PTPRT: variants seen among roughly 807,000 people sequenced by gnomAD.
PTPRT encodes protein tyrosine phosphatase receptor type T, also known as receptor-type tyrosine-protein phosphatase T.
In PTPRT, 56 loss-of-function variants were observed where a neutral mutation model predicts 176.8. The observed-to-expected ratio is 0.32, with a 90% confidence interval of 0.26 to 0.40. The LOEUF (loss-of-function observed/expected upper bound fraction) is 0.40. Ranked by LOEUF, PTPRT falls within the 10% of genes least tolerant of loss-of-function variation. The probability of loss-of-function intolerance (pLI) is 1.00; values close to 1 mark genes in which losing one functional copy is unlikely to be tolerated. For missense variants in PTPRT, 1,540 were observed against 1,908.2 expected, an observed-to-expected ratio of 0.81 and a Z score of 3.60; for synonymous variants, 783 against 739.0, an observed-to-expected ratio of 1.06 and a Z score of -0.96.
chr20:42,974,408 A>G (rs1982824849), intron 1 of PTPRT, among the ~76,000 whole-genome samples: 1 of 151,788 alleles, frequency 6.6e-6, no homozygotes, highest in Non-Finnish European at 1.5e-5. Context: ...CTTTGTCATT[A>G]TTTTTCCCAC....
intron 2 of PTPRT, among the ~76,000 whole-genome samples, chr20:42,863,200 C>T (rs2078691166): frequency 6.6e-6 from 1 of 152,150 alleles, no homozygotes; most frequent in Admixed American, 6.5e-5. Flanking sequence ...TCTAGCAAAG[C>T]GTGAGGTCTT....
chr20:42,442,046 G>A (rs553849840), intron 9 of PTPRT, among the ~76,000 whole-genome samples: 5 of 152,170 alleles, frequency 3.3e-5, no homozygotes, highest in African/African-American at 1.2e-4. Context: ...GCCAGTCTGG[G>A]GTCAGTGAGC....
At chr20:42,676,100 G>C (rs1364644149) in intron 7 of PTPRT, among the ~76,000 whole-genome samples, 2 of 152,056 alleles carry the variant, frequency 1.3e-5, no homozygotes, top group Admixed American at 1.3e-4. Flanking sequence ...GTATCGTGTT[G>C]GCACTCAGTA....
chr20:43,066,665 T>A (rs2011114811), intron 1 of PTPRT, among the ~76,000 whole-genome samples: 1 of 152,184 alleles, frequency 6.6e-6, no homozygotes, highest in Admixed American at 6.5e-5. Context: ...CTCTACCCTG[T>A]TCCAACCTGA....
At chr20:42,771,582 G>A in intron 4 of PTPRT, 32 bp from the exon 5 acceptor site, 1 of 1,574,870 alleles carries the variant, frequency 6.3e-7, no homozygotes, top group Non-Finnish European at 8.7e-7. Context: ...ACAAGAGAAT[G>A]AGATTCGACA....
At chr20:42,380,717 G>T in intron 9 of PTPRT, among the ~76,000 whole-genome samples, 1 of 152,188 alleles carries the variant, frequency 6.6e-6, no homozygotes, top group East Asian at 1.9e-4. Flanking sequence ...ATTGGACTCT[G>T]AGCTCCCCGA....
intron 6 of PTPRT, among the ~76,000 whole-genome samples, chr20:42,748,545 G>A (rs567366265): frequency 1.3e-5 from 2 of 152,226 alleles, no homozygotes; most frequent in African/African-American, 4.8e-5. Flanking sequence ...AGCAGCCTTG[G>A]TCACCTTAGA....
intron 1 of PTPRT, among the ~76,000 whole-genome samples, chr20:43,093,290 G>T (rs563366970): frequency 6.6e-6 from 1 of 152,312 alleles, no homozygotes; most frequent in East Asian, 1.9e-4. Context: ...ATCAGGGCAG[G>T]TGGGTGTCAA....
intron 11 of PTPRT, among the ~76,000 whole-genome samples, chr20:42,344,221 T>C (rs2058154462): frequency 6.6e-6 from 1 of 152,206 alleles, no homozygotes; most frequent in African/African-American, 2.4e-5. Flanking sequence ...TGTTGAACAA[T>C]TACCAGTTGC....
At chr20:42,058,558 T>C in the PTPRT span, among the ~76,000 whole-genome samples, 1 of 152,154 alleles carries the variant, frequency 6.6e-6, no homozygotes, top group Non-Finnish European at 1.5e-5. Flanking sequence ...AGCCCCTCCT[T>C]CACCATCTCA....
chr20:42,973,316 C>A (rs1982763614), intron 1 of PTPRT, among the ~76,000 whole-genome samples: 1 of 152,116 alleles, frequency 6.6e-6, no homozygotes, highest in Non-Finnish European at 1.5e-5. Flanking sequence ...AAATAACCAG[C>A]TCCTCCCCAA....
chr20:42,822,073 T>C (rs1481615970), intron 2 of PTPRT, among the ~76,000 whole-genome samples: 1 of 152,010 alleles, frequency 6.6e-6, no homozygotes, highest in African/African-American at 2.4e-5. Context: ...AAATTTCATA[T>C]GGAATCAAAG....
intron 6 of PTPRT, chr20:42,688,653 T>A (rs1032285237): frequency 6.6e-6 from 1 of 152,198 alleles, no homozygotes; most frequent in African/African-American, 2.4e-5. Flanking sequence ...GAGACCAAGG[T>A]ACAAATTGCC....
chr20:42,453,053 G>A (rs1264685057), intron 8 of PTPRT, among the ~76,000 whole-genome samples: 2 of 152,106 alleles, frequency 1.3e-5, no homozygotes, highest in Non-Finnish European at 2.9e-5. Flanking sequence ...CTTTTACTGT[G>A]ACAGTATTTC....
chr20:42,372,328 G>A (rs1381832978), intron 9 of PTPRT, among the ~76,000 whole-genome samples: 10 of 143,762 alleles, frequency 7.0e-5, no homozygotes, highest in African/African-American at 2.6e-4. Context: ...CTGTCACCAA[G>A]GCTGGAGGGC....
At chr20:42,309,313 A>T (rs934083048) in intron 12 of PTPRT, among the ~76,000 whole-genome samples, 2 of 152,168 alleles carry the variant, frequency 1.3e-5, no homozygotes, top group African/African-American at 4.8e-5. Context: ...AGCAGACCTC[A>T]TTCTGGGAAG....
At chr20:42,039,307 T>C in the PTPRT span, among the ~76,000 whole-genome samples, 1 of 152,216 alleles carries the variant, frequency 6.6e-6, no homozygotes, top group East Asian at 1.9e-4. Context: ...ATAAAGCTGA[T>C]TAACATATGC....
At chr20:42,566,608 G>A (rs150198911) in intron 7 of PTPRT, among the ~76,000 whole-genome samples, 117 of 152,282 alleles carry the variant, frequency 7.7e-4, no homozygotes, top group African/African-American at 2.5e-3. Flanking sequence ...TCAGCTTGCT[G>A]GGGTGGAAAT....
intron 7 of PTPRT, among the ~76,000 whole-genome samples, chr20:42,562,682 A>G (rs995801359): frequency 1.3e-5 from 2 of 152,154 alleles, no homozygotes; most frequent in Admixed American, 1.3e-4. Flanking sequence ...TCATCAGCAC[A>G]TTTTGATGCC....
Sources: gnomAD v4.1 joint callset for allele counts (sites outside exome capture counted in the v4.1 genomes callset) on GRCh38, gnomAD v4.1.1 for gene constraint, MANE v1.5 for transcripts, NCBI Gene and HGNC (gene_info 2026-07-23, HGNC 2026-07-21) for gene names.